Variants in DNAJA3 observed in about 807,000 individuals in gnomAD.
DNAJA3 encodes DnaJ heat shock protein family (Hsp40) member A3.
A neutral mutation model predicts 54.9 loss-of-function variants in DNAJA3; 29 were observed. The observed-to-expected ratio is 0.53, with a 90% CI of 0.39 to 0.72. The LOEUF (loss-of-function observed/expected upper bound fraction) is 0.72, where lower values mean the gene tolerates loss of function less well. Among genes scored for constraint, DNAJA3 ranks in the 30% least tolerant of loss-of-function variants. The pLI, the probability that DNAJA3 is intolerant of heterozygous loss-of-function variation, is 0.00. For missense variants in DNAJA3, 708 were observed against 639.4 expected (o/e 1.11, Z -1.16); for synonymous variants, 302 against 251.4 (o/e 1.20, Z -1.90).
intron 8 of DNAJA3, among the ~76,000 whole-genome samples, chr16:4,448,395 G>A (rs577822007): frequency 4.6e-5 from 7 of 152,104 alleles, no homozygotes; most frequent in East Asian, 1.9e-4. Context: ...CAGAGCTGGA[G>A]TGCAATGGCA....
chr16:4,430,156 AT>A (rs199513173), intron 1 of DNAJA3, among the ~76,000 whole-genome samples: 23 of 150,684 alleles, frequency 1.5e-4, no homozygotes, highest in Admixed American at 2.0e-4. Context: ...AAAAAAAAAA[AT>A]TTTGAAAAGG....
chr16:4,429,673 A>G (rs1355019964), intron 1 of DNAJA3, among the ~76,000 whole-genome samples: 2 of 152,182 alleles, frequency 1.3e-5, no homozygotes, highest in Non-Finnish European at 2.9e-5. Context: ...CGTCTCTACA[A>G]AAAATACAAA....
chr16:4,425,989 G>C lies in DNAJA3; in HGVS notation c.108G>C (p.Gly36=). 1 of 1,601,132 alleles carries C rather than the reference G, an allele frequency of 6.2e-7. No individual in the cohort carries two copies. Among genetic ancestry groups the C allele is most frequent in the South Asian group, 1.1e-5 (1 of 89,186 alleles). Residue 36 remains glycine, a synonymous_variant, in exon 1 of 12, where the codon GGG becomes GGC. Transcript: ENST00000262375. ...GARPPREGVV[G]AWLSRKLSVP... ...GGCCGCCCAGGGAGGGCGTGGTGGG[G>C]GCATGGCTGAGCCGCAAGCTGAGCG...
chr16:4,452,370 G>A (rs1269528501), intron 10 of DNAJA3, among the ~76,000 whole-genome samples: 1 of 152,084 alleles, frequency 6.6e-6, no homozygotes, highest in African/African-American at 2.4e-5. Flanking sequence ...GGTGTGCTAC[G>A]GCCGGGCCCT....
chr16:4,431,469 C>T (rs2056699797), intron 1 of DNAJA3: 1 of 152,202 alleles, frequency 6.6e-6, no homozygotes, highest in African/African-American at 2.4e-5. Context: ...TATCCATTCT[C>T]CTGTCTGATC....
At chr16:4,427,955 A>ATT (rs913465631) in intron 1 of DNAJA3, among the ~76,000 whole-genome samples, 3 of 145,290 alleles carry the variant, frequency 2.1e-5, no homozygotes, top group African/African-American at 7.6e-5. Context: ...AACAGAATGA[A>ATT]TTTTTTTTTT....
chr16:4,428,328 C>G (rs1427421743), intron 1 of DNAJA3, among the ~76,000 whole-genome samples: 1 of 152,156 alleles, frequency 6.6e-6, no homozygotes, highest in African/African-American at 2.4e-5. Context: ...TCACTTCAGC[C>G]TCCCAAGATG....
At chr16:4,454,171 G>C (rs2057009111) in intron 10 of DNAJA3, among the ~76,000 whole-genome samples, 1 of 152,178 alleles carries the variant, frequency 6.6e-6, no homozygotes. Context: ...TGTGACAAAG[G>C]ATTGTGCGTG....
chr16:4,449,019 T>C (rs569059278), intron 9 of DNAJA3, among the ~76,000 whole-genome samples, 171 bp downstream of exon 9: 279 of 152,230 alleles, frequency 1.8e-3, no homozygotes, highest in African/African-American at 6.1e-3. Flanking sequence ...TTTTTTGAGA[T>C]GGAGTCTCGC....
In DNAJA3 at chr16:4,425,992, A is replaced by G. The variant is rs1420383841; in HGVS notation, c.111A>G (p.Ala37=). ...CGCCCAGGGAGGGCGTGGTGGGGGC[A>G]TGGCTGAGCCGCAAGCTGAGCGTCC... ...ARPPREGVVG[A]WLSRKLSVPA... The change falls in exon 1 of 12, where the codon GCA becomes GCG. Residue 37 remains alanine (A), a synonymous_variant. Coordinates refer to ENST00000262375, the MANE Select transcript of DNAJA3 (RefSeq NM_005147.6). 2.1e-5 allele frequency: 33 copies of G among 1,601,808 alleles called. No homozygotes were observed. The highest frequency in any genetic ancestry group is 2.7e-5 in the Non-Finnish European group (32 of 1,175,292).
intron 1 of DNAJA3, among the ~76,000 whole-genome samples, chr16:4,428,332 C>A (rs905094762): frequency 6.6e-6 from 1 of 152,134 alleles, no homozygotes; most frequent in Non-Finnish European, 1.5e-5. Flanking sequence ...TTCAGCCTCC[C>A]AAGATGCTGG....
At chr16:4,454,269 C>T (rs1314772931) in intron 10 of DNAJA3, among the ~76,000 whole-genome samples, 1 of 152,128 alleles carries the variant, frequency 6.6e-6, no homozygotes, top group Non-Finnish European at 1.5e-5. Context: ...TAGGGTTTTT[C>T]TTGGCAGTCA....
At chr16:4,455,122 A>T (rs1314989378) in intron 11 of DNAJA3, among the ~76,000 whole-genome samples, 195 bp downstream of exon 11, 2 of 152,206 alleles carry the variant, frequency 1.3e-5, no homozygotes, top group Non-Finnish European at 2.9e-5. Flanking sequence ...ATCAGCCTGT[A>T]GTGCAGGACT....
At chr16:4,444,068 A>G (rs965888812) in intron 6 of DNAJA3, among the ~76,000 whole-genome samples, 9 of 152,172 alleles carry the variant, frequency 5.9e-5, no homozygotes, top group African/African-American at 2.2e-4. Flanking sequence ...GTAGTTATGC[A>G]TTAGTGCTAT....
rs751227318 is a variant in DNAJA3, at chr16:4,443,029, A to G, written c.796A>G (p.Thr266Ala). Residue 266 changes from threonine (T) to alanine (A), a missense_variant, in exon 6 of 12, where the codon ACA (threonine) becomes GCA (alanine). Transcript: ENST00000262375. ...TTGTTTTTATCAGGAAACCATCAAC[A>G]CAGGCCCTTTTGTGATGCGTTCCAC... ...CGGSGMETIN[T>A]GPFVMRSTCR... 6.8e-6 allele frequency: 11 copies of G among 1,614,094 alleles called. No homozygotes were observed. Among genetic ancestry groups the G allele is most frequent in the Non-Finnish European group, 9.3e-6 (11 of 1,179,996 alleles).
At chr16:4,441,334 G>A (rs751327333) in intron 3 of DNAJA3, 41 bp from the exon 4 acceptor site, 1 of 1,568,902 alleles carries the variant, frequency 6.4e-7, no homozygotes, top group Admixed American at 1.8e-5. Context: ...CCTGGGCCTT[G>A]GTAGACCTGG....
intron 6 of DNAJA3, among the ~76,000 whole-genome samples, chr16:4,444,339 TC>T: frequency 6.6e-6 from 1 of 151,178 alleles, no homozygotes. Context: ...TTTTTCTTTT[TC>T]TTTTCTTTTT....
At chr16:4,435,123 C>A (rs1421987538) in intron 2 of DNAJA3, among the ~76,000 whole-genome samples, 3 of 152,042 alleles carry the variant, frequency 2.0e-5, no homozygotes, top group African/African-American at 7.2e-5. Flanking sequence ...TGGTCTTAAA[C>A]TCCTGACCTC....
chr16:4,454,407 C>G (rs2057011865), intron 10 of DNAJA3, among the ~76,000 whole-genome samples: 1 of 152,228 alleles, frequency 6.6e-6, no homozygotes, highest in South Asian at 2.1e-4. Flanking sequence ...CCTGTAACCT[C>G]TCTGTGCCTC....
Sources: allele counts gnomAD v4.1 joint callset (sites outside exome capture counted in the v4.1 genomes callset), GRCh38; gene constraint gnomAD v4.1.1; transcripts MANE v1.5; gene names NCBI Gene and HGNC (gene_info 2026-07-23, HGNC 2026-07-21).